Variants in CACNA1I observed in about 807,000 individuals in gnomAD.
CACNA1I encodes calcium voltage-gated channel subunit alpha1 I.
In CACNA1I, 74 loss-of-function variants were observed where a neutral mutation model predicts 201.6. The observed-to-expected ratio is 0.37, with a 90% CI of 0.30 to 0.45. The LOEUF is 0.45. Among genes scored for constraint, CACNA1I ranks in the 20% least tolerant of loss-of-function variants. The probability of loss-of-function intolerance (pLI) is 1.00; values close to 1 mark genes in which losing one functional copy is unlikely to be tolerated. For synonymous variants in CACNA1I, 1,431 were observed against 1,345.2 expected (o/e 1.06, Z -1.40); for missense variants, 2,346 against 3,138.1 (o/e 0.75, Z 6.03).
chr22:39,623,624 CTGTG>C (rs368283839), intron 4 of CACNA1I, among the ~76,000 whole-genome samples: 1 of 113,334 alleles, frequency 8.8e-6, no homozygotes, highest in Non-Finnish European at 1.9e-5. Flanking sequence ...GTGTGTGTGC[CTGTG>C]TGTGTGTGTG....
chr22:39,591,960 G>A lies in CACNA1I; in HGVS notation c.237-6191G>A, dbSNP rs529358743. 6.6e-5 allele frequency among the ~76,000 whole-genome samples: 10 copies of A among 152,330 alleles called. No individual in the cohort carries two copies. The South Asian group carries it at 8.3e-4, about 13-fold the overall frequency. The stretch of plus-strand genomic sequence containing the variant: ...CCATTATTACCACCGGCAGGCTGGC[G>A]CCTGGCACACAACAGGCACACAATA... On this transcript the variant is annotated intron_variant, in intron 1 of 36. Transcript: ENST00000402142.
rs3044379 is a variant in CACNA1I, at chr22:39,588,385, C to CTT, written c.237-9749_237-9748dup. 8.2e-3 allele frequency among the ~76,000 whole-genome samples: 660 copies of CTT among 80,700 alleles called. 19 individuals carry two copies. Among genetic ancestry groups the CTT allele is most frequent in the African/African-American group, 0.027 (613 of 22,984 alleles). The allele number at this position is 80,700 out of a possible 152,430, so 52.9% of individuals were successfully genotyped here. ...AGGCGTTTTCTTTCTTTCTTTCTTT[C>CTT]TTTTTTTTTTTTTTTTTTGAGGCAG... On this transcript the variant is annotated intron_variant, in intron 1 of 36. Transcript: ENST00000402142.
At chr22:39,625,930 T>C (rs1933888082) in intron 4 of CACNA1I, among the ~76,000 whole-genome samples, 1 of 152,138 alleles carries the variant, frequency 6.6e-6, no homozygotes. Flanking sequence ...AGTGCTGTTT[T>C]CTCCAGTAAG....
chr22:39,656,277 TGCG>T (rs1934816333), intron 10 of CACNA1I: 1 of 432,056 alleles, frequency 2.3e-6, no homozygotes, highest in African/African-American at 2.0e-5. Flanking sequence ...GTCAGGTCCT[TGCG>T]GCTCCCCGTT....
At chr22:39,603,502 T>TTCTTGTTTTATGGATGCCTGC (rs1299807330) in intron 3 of CACNA1I, among the ~76,000 whole-genome samples, 38 of 152,200 alleles carry the variant, frequency 2.5e-4, no homozygotes, top group South Asian at 4.1e-4. Flanking sequence ...CTTGTGCCTG[T>TTCTTGTTTTATGGATGCCTGC]TCTTGTTTTA....
intron 4 of CACNA1I, among the ~76,000 whole-genome samples, chr22:39,633,926 A>C (rs947966711): frequency 3.9e-5 from 6 of 152,168 alleles, no homozygotes; most frequent in Non-Finnish European, 8.8e-5. Context: ...TCTGGCTGGT[A>C]CTGCTGTGTC....
chr22:39,670,139 G>A lies in CACNA1I; in HGVS notation c.4296G>A (p.Glu1432=). The change falls in exon 25 of 37, where the codon GAG becomes GAA. Residue 1432 remains glutamate (E), a synonymous_variant. Transcript: ENST00000402142. ...VLNMFVGVVV[E]NFHKCRQHQE... is the part of the protein sequence containing the mutation. ...ACATGTTTGTGGGTGTCGTGGTGGAGAACTTCCACAAGTGCCGGCAGCACC... is the reference window on the plus strand; with the variant it reads ...ACATGTTTGTGGGTGTCGTGGTGGAAAACTTCCACAAGTGCCGGCAGCACC... 5 of 1,614,008 alleles carry A rather than the reference G, an allele frequency of 3.1e-6. No homozygotes were observed. Among genetic ancestry groups the A allele is most frequent in the Non-Finnish European group, 4.2e-6 (5 of 1,179,892 alleles).
rs1325193272 is a variant in CACNA1I, at chr22:39,679,407, G to A, written c.5356G>A (p.Glu1786Lys). 27 of 1,446,612 alleles carry A rather than the reference G, an allele frequency of 1.9e-5. No individual in the cohort carries two copies. The highest frequency in any genetic ancestry group is 4.5e-5 in the African/African-American group (3 of 67,100). The allele number at this position is 1,446,612 out of a possible 1,614,324, so 89.6% of individuals were successfully genotyped here. The change falls in exon 32 of 37, where the codon GAG becomes AAG. Residue 1786 changes from glutamate (E) to lysine (K), a missense_variant. Physicochemically the swap from Glu to Lys is moderately conservative, Grantham distance 56. Around this residue, in one of 13 missense-constraint regions of CACNA1I, gnomAD observed 441 missense variants for 555.6 expected, o/e 0.79. Coordinates refer to ENST00000402142, the MANE Select transcript of CACNA1I (RefSeq NM_021096.4). Reference sequence around the variant, plus strand: ...AGGGGCGGGCGGCGGGGGCGACACCGAGGGCGGCTTGTGCCGGCGCTGCTA... The same window carrying A: ...AGGGGCGGGCGGCGGGGGCGACACCAAGGGCGGCTTGTGCCGGCGCTGCTA... ...PGGAGGGGDT[E>K]GGLCRRCYSP...
chr22:39,634,440 A>T, intron 4 of CACNA1I, 125 bp from the exon 5 acceptor site: 1 of 889,206 alleles, frequency 1.1e-6, no homozygotes, highest in Admixed American at 1.7e-5. Flanking sequence ...CAGGATGGGA[A>T]CAGCAAGGAG....
At position 39,619,365 on chromosome 22, in the gene CACNA1I, G is replaced by A. The variant is rs770899366; in HGVS notation, c.538G>A (p.Val180Met). The change falls in exon 4 of 37, where the codon GTG (valine) becomes ATG (methionine). Residue 180 changes from valine to methionine, a missense_variant. Coordinates refer to ENST00000402142, the MANE Select transcript of CACNA1I (RefSeq NM_021096.4). ...CATCAACCTGTCAGCCATCCGCACC[G>A]TGCGCGTCCTGAGGCCCCTCAAAGC... ...QNINLSAIRT[V>M]RVLRPLKAIN... 6 of 1,609,688 alleles carry A rather than the reference G, an allele frequency of 3.7e-6. No individual in the cohort carries two copies. Among genetic ancestry groups the A allele is most frequent in the African/African-American group, 1.3e-5 (1 of 74,898 alleles).
chr22:39,685,120 C>T lies in CACNA1I; in HGVS notation c.6027+622C>T, dbSNP rs1236588500. On this transcript the variant is annotated intron_variant, in intron 36 of 36. Coordinates refer to ENST00000402142, the MANE Select transcript of CACNA1I (RefSeq NM_021096.4). The surrounding 1 kb of genome is among the most constrained non-coding windows in gnomAD (Gnocchi z 5.0). The stretch of plus-strand genomic sequence containing the variant: ...CGTCACACCAGGCTGTGTGCTCTGG[C>T]GGGCAGGACACAAACTCCCTGCCTG... 1.8e-5 allele frequency: 3 copies of T among 165,032 alleles called. No homozygotes were observed. Among genetic ancestry groups the T allele is most frequent in the African/African-American group, 4.8e-5 (2 of 41,578 alleles). 10.2% of individuals were successfully genotyped at this position (165,032 alleles called of 1,614,324 possible). A position where few individuals can be genotyped will look rare whatever the true frequency, so the allele number is the denominator to read the frequency against.
rs745557985 is a variant in CACNA1I at position 39,679,388 on chromosome 22, G to T, written c.5337G>T (p.Ala1779=). The T allele has an allele frequency of 6.7e-7, 1 of 1,488,624 alleles. No homozygotes were observed. The allele number at this position is 1,488,624 out of a possible 1,614,324, so 92.2% of individuals were successfully genotyped here. The change falls in exon 32 of 37, where the codon GCG becomes GCT. Residue 1779 remains alanine, a synonymous_variant. Transcript: ENST00000402142. ...PGAPGRGPGG[A]GGGGDTEGGL... is the part of the protein sequence containing the mutation. ...CCCCTGGCCGAGGGCCGGGAGGGGC[G>T]GGCGGCGGGGGCGACACCGAGGGCG...
chr22:39,662,470 G>A (rs950306780), intron 17 of CACNA1I, 35 bp downstream of exon 17: 57 of 1,363,450 alleles, frequency 4.2e-5, no homozygotes, highest in East Asian at 2.5e-4. Context: ...GACCTGGTGC[G>A]GTGGGATAGG....
intron 3 of CACNA1I, among the ~76,000 whole-genome samples, chr22:39,613,302 G>A (rs1031440269): frequency 1.3e-5 from 2 of 152,146 alleles, no homozygotes; most frequent in Non-Finnish European, 2.9e-5. Context: ...CAGGGGCTCT[G>A]AGCCAACCCC....
rs1447098057 is a variant in CACNA1I, at chr22:39,688,987, A to C, written c.*2582A>C. On this transcript the variant is annotated 3_prime_UTR_variant, in exon 37 of 37. Transcript: ENST00000402142. This position sits in a 1 kb window ranked among gnomAD's most constrained non-coding sequence, Gnocchi z 4.8. ...CCTGTGGGTGACAGAGATGAGAACC[A>C]GGGAAGCTGTGATCCACTGGCCAGG... The C allele has an allele frequency of 6.5e-6, 1 of 152,756 alleles. No individual in the cohort carries two copies. Among genetic ancestry groups the C allele is most frequent in the Non-Finnish European group, 1.5e-5 (1 of 68,110 alleles). 9.5% of individuals were successfully genotyped at this position (152,756 alleles called of 1,614,324 possible). A position where few individuals can be genotyped will look rare whatever the true frequency, so the allele number is the denominator to read the frequency against.
At position 39,574,777 on chromosome 22, in the gene CACNA1I, G is replaced by A. The variant is rs563894372; in HGVS notation, c.236+3789G>A. 8.3e-4 allele frequency among the ~76,000 whole-genome samples: 127 copies of A among 152,302 alleles called. 1 individual carries two copies. Among genetic ancestry groups the A allele is most frequent in the African/African-American group, 2.8e-3 (117 of 41,560 alleles). On this transcript the variant is annotated intron_variant, in intron 1 of 36. Transcript: ENST00000402142. ...GAGAACCCAAAGGGGTGGTGGGTGC[G>A]TAGCATCAGAGTCAGGCTGGTGGGA...
In CACNA1I at chr22:39,679,435, C is replaced by A; in HGVS notation, c.5384C>A (p.Ser1795Ter). 7.0e-7 allele frequency: 1 copy of A among 1,420,116 alleles called. No individual in the cohort carries two copies. The highest frequency in any genetic ancestry group is 1.6e-5 in the South Asian group (1 of 64,426). The allele number at this position is 1,420,116 out of a possible 1,614,324, so 88.0% of individuals were successfully genotyped here. A position where few individuals can be genotyped will look rare whatever the true frequency, so the allele number is the denominator to read the frequency against. The change falls in exon 32 of 37, where the codon TCG (serine) becomes TAG (stop). Residue 1795 changes from serine (S) to a stop codon, truncating the protein, a stop_gained. Transcript: ENST00000402142. LOFTEE classifies it high-confidence loss of function. ...GGCGGCTTGTGCCGGCGCTGCTACT[C>A]GCCTGCCCAGGTGGGCAGGGGCTGG... ...TEGGLCRRCY[S>*]PAQENLWLDS...
In CACNA1I at chr22:39,660,402, T is replaced by C. The variant is rs938736932; in HGVS notation, c.2663T>C (p.Phe888Ser). 1.2e-6 allele frequency: 2 copies of C among 1,612,752 alleles called. No homozygotes were observed. Among genetic ancestry groups the C allele is most frequent in the South Asian group, 1.1e-5 (1 of 90,814 alleles). ...EDQSSSNIEE[F>S]DKLQEGLDSS... ...CAGAGCTCATCCAACATAGAAGAGTTTGATAAGCTCCAGGAAGGCCTGGAC... is the reference window on the plus strand; with the variant it reads ...CAGAGCTCATCCAACATAGAAGAGTCTGATAAGCTCCAGGAAGGCCTGGAC... The change falls in exon 15 of 37, where the codon TTT becomes TCT. Residue 888 changes from phenylalanine (F) to serine (S), a missense_variant. Around this residue, in one of 13 missense-constraint regions of CACNA1I, gnomAD observed 92 missense variants for 114.5 expected, o/e 0.80. Transcript: ENST00000402142.
intron 16 of CACNA1I, 108 bp downstream of exon 16, chr22:39,661,418 C>A: frequency 1.2e-6 from 1 of 848,078 alleles, no homozygotes; most frequent in Non-Finnish European, 1.7e-6. Flanking sequence ...GGTGCCCAGC[C>A]AAAGTCAGGC....
Sources: allele counts gnomAD v4.1 joint callset (sites outside exome capture counted in the v4.1 genomes callset), GRCh38; gene constraint gnomAD v4.1.1; regional missense constraint gnomAD v4.1.1; non-coding constraint Gnocchi (gnomAD v3.1); transcripts MANE v1.5; gene names NCBI Gene and HGNC (gene_info 2026-07-23, HGNC 2026-07-21).